ROBO2: variants seen among roughly 807,000 people sequenced by gnomAD.
The protein encoded by ROBO2 is roundabout homolog 2.
Under a neutral mutation model 160.8 loss-of-function variants are expected in ROBO2, and 53 were observed. The observed-to-expected ratio is 0.33, with a 90% CI of 0.26 to 0.41. The LOEUF (loss-of-function observed/expected upper bound fraction) is 0.41. Ranked by LOEUF, ROBO2 falls within the 10% of genes least tolerant of loss-of-function variation. The pLI is 1.00. For missense variants in ROBO2, 1,577 were observed against 1,722.4 expected, an observed-to-expected ratio of 0.92 and a Z score of 1.49; for synonymous variants, 664 against 611.7, an observed-to-expected ratio of 1.09 and a Z score of -1.26.
Position 76,758,524 on chromosome 3 carries a change from C to A in ROBO2, c.110-339490C>A, listed in dbSNP as rs539662444. Among the ~76,000 whole-genome samples, 211 of 151,880 alleles carry A rather than the reference C, an allele frequency of 1.4e-3. 3 individuals are homozygous for A. The highest frequency in any genetic ancestry group is 9.9e-4 in the Admixed American group (15 of 15,218). On this transcript the variant is annotated intron_variant, in intron 2 of 26. Coordinates refer to the ROBO2 transcript ENST00000487694. Reference sequence around the variant, plus strand: ...ATAAGTGCCCTTGAAATCTCTGGTGCTTTAAGAGATCAAGCAATGTTCCTG... The same window carrying A: ...ATAAGTGCCCTTGAAATCTCTGGTGATTTAAGAGATCAAGCAATGTTCCTG...
intron 2 of ROBO2, among the ~76,000 whole-genome samples, chr3:76,911,365 T>A: frequency 6.6e-6 from 1 of 152,174 alleles, no homozygotes. Flanking sequence ...CTTTTCCCCT[T>A]AAAATCAGGG....
intron 2 of ROBO2, among the ~76,000 whole-genome samples, chr3:76,290,250 A>T (rs771107030): frequency 6.6e-6 from 1 of 151,874 alleles, no homozygotes; most frequent in African/African-American, 2.4e-5. Flanking sequence ...GAGATGTTTT[A>T]CCTCCCTGAA....
intron 2 of ROBO2, among the ~76,000 whole-genome samples, chr3:76,914,951 G>C (rs1223943233): frequency 3.9e-5 from 6 of 152,178 alleles, no homozygotes; most frequent in Admixed American, 2.0e-4. Context: ...ACACTGAGGT[G>C]ACTATAAAGG....
At chr3:76,524,994 A>T (rs188267658) in intron 2 of ROBO2, among the ~76,000 whole-genome samples, 236 of 151,888 alleles carry the variant, frequency 1.6e-3, no homozygotes, top group Admixed American at 3.2e-3. Flanking sequence ...AAAGAAAAAA[A>T]TTACACTGGA....
intron 2 of ROBO2, among the ~76,000 whole-genome samples, chr3:76,832,708 G>A (rs148001054): frequency 6.6e-6 from 1 of 152,170 alleles, no homozygotes; most frequent in East Asian, 1.9e-4. Flanking sequence ...GCACGTACTG[G>A]GTGTATGTGG....
intron 2 of ROBO2, among the ~76,000 whole-genome samples, chr3:76,321,275 G>T (rs1576412283): frequency 6.6e-6 from 1 of 152,144 alleles, no homozygotes. Flanking sequence ...CCCAGACTTT[G>T]GGAGGCCGAG....
chr3:76,188,589 C>T (rs1383033146), intron 2 of ROBO2, among the ~76,000 whole-genome samples: 1 of 152,062 alleles, frequency 6.6e-6, no homozygotes, highest in Admixed American at 6.6e-5. Context: ...TGTTTTAAGC[C>T]ACTGAGTTTG....
intron 2 of ROBO2, among the ~76,000 whole-genome samples, chr3:76,058,309 T>G (rs1435407879): frequency 6.6e-6 from 1 of 152,106 alleles, no homozygotes; most frequent in Non-Finnish European, 1.5e-5. Context: ...TGTGTCCATG[T>G]GTTCTCATTG....
chr3:77,434,756 G>GT (rs1228179473), intron 2 of ROBO2, among the ~76,000 whole-genome samples: 1 of 152,068 alleles, frequency 6.6e-6, no homozygotes, highest in Non-Finnish European at 1.5e-5. Context: ...ATGTAACAGT[G>GT]TTTTTGGTGT....
intron 2 of ROBO2, among the ~76,000 whole-genome samples, chr3:77,390,436 T>C (rs2074605051): frequency 6.6e-6 from 1 of 152,118 alleles, no homozygotes. Flanking sequence ...GATGGGTCTT[T>C]CCCATGTTGC....
chr3:77,527,298 G>A, intron 6 of ROBO2, 105 bp from the exon 7 acceptor site: 1 of 779,848 alleles, frequency 1.3e-6, no homozygotes. Flanking sequence ...TCACTCTATT[G>A]TCCATACTTA....
At chr3:76,061,073 G>A (rs1054074816) in intron 2 of ROBO2, among the ~76,000 whole-genome samples, 1 of 151,704 alleles carries the variant, frequency 6.6e-6, no homozygotes, top group Non-Finnish European at 1.5e-5. Flanking sequence ...AAAATGCCAT[G>A]TTTATTTATG....
At chr3:76,382,926 A>T (rs1056419915) in intron 2 of ROBO2, among the ~76,000 whole-genome samples, 1 of 152,198 alleles carries the variant, frequency 6.6e-6, no homozygotes, top group Admixed American at 6.5e-5. Flanking sequence ...AATAAAGAGG[A>T]TTCTGTCAGT....
intron 2 of ROBO2, among the ~76,000 whole-genome samples, chr3:77,257,052 C>T (rs1416622041): frequency 2.0e-5 from 3 of 152,146 alleles, no homozygotes; most frequent in Non-Finnish European, 4.4e-5. Context: ...TTTCATATTA[C>T]CTAGACGTGT....
At chr3:76,932,344 A>C (rs2077402219) in intron 2 of ROBO2, among the ~76,000 whole-genome samples, 1 of 152,160 alleles carries the variant, frequency 6.6e-6, no homozygotes, top group Non-Finnish European at 1.5e-5. Flanking sequence ...TGAGAAAATC[A>C]TGCAAAATAA....
At chr3:77,360,028 C>T (rs1581328076) in intron 2 of ROBO2, among the ~76,000 whole-genome samples, 3 of 152,170 alleles carry the variant, frequency 2.0e-5, no homozygotes, top group African/African-American at 7.2e-5. Flanking sequence ...GCATAGATGC[C>T]AAGTGTAGAA....
At chr3:77,616,541 G>GTGA (rs2094781087) in intron 21 of ROBO2, among the ~76,000 whole-genome samples, 1 of 152,190 alleles carries the variant, frequency 6.6e-6, no homozygotes, top group African/African-American at 2.4e-5. Context: ...CAGCAGGAAA[G>GTGA]TGATGTGTGA....
chr3:76,754,974 A>G (rs2060886247), intron 2 of ROBO2, among the ~76,000 whole-genome samples: 1 of 151,912 alleles, frequency 6.6e-6, no homozygotes, highest in South Asian at 2.1e-4. Flanking sequence ...AGGTATTCAC[A>G]TTAGATAAAT....
At chr3:76,235,813 TG>T (rs1248422787) in intron 2 of ROBO2, among the ~76,000 whole-genome samples, 3 of 152,194 alleles carry the variant, frequency 2.0e-5, no homozygotes, top group Admixed American at 1.3e-4. Flanking sequence ...AGGGGCATTT[TG>T]GAAGTTTTGA....
Sources: allele counts gnomAD v4.1 joint callset (sites outside exome capture counted in the v4.1 genomes callset), GRCh38; gene constraint gnomAD v4.1.1; transcripts MANE v1.5; gene names NCBI Gene and HGNC (gene_info 2026-07-23, HGNC 2026-07-21).